Variants in TMEFF1 observed in about 807,000 individuals in gnomAD.
The protein encoded by TMEFF1 is transmembrane protein with EGF like and two follistatin like domains 1, also known as tomoregulin-1.
A neutral mutation model predicts 47.5 loss-of-function variants in TMEFF1; 20 were observed. The ratio of observed to expected loss-of-function variants is 0.42; its 90% CI spans 0.30 to 0.61. The LOEUF (loss-of-function observed/expected upper bound fraction) is 0.61, where lower values mean the gene tolerates loss of function less well. Among genes scored for constraint, TMEFF1 ranks in the 20% least tolerant of loss-of-function variants. The probability of loss-of-function intolerance (pLI) is 0.19; values close to 1 mark genes in which losing one functional copy is unlikely to be tolerated. For synonymous variants in TMEFF1, 162 were observed against 166.3 expected (o/e 0.97, Z 0.20); for missense variants, 411 against 471.1 (o/e 0.87, Z 1.18).
chr9:100,564,921 A>C (rs560892792), intron 8 of TMEFF1, among the ~76,000 whole-genome samples: 94 of 152,264 alleles, frequency 6.2e-4, no homozygotes, highest in Non-Finnish European at 6.9e-4. Flanking sequence ...GTTGGATATG[A>C]GCACGAGAAC....
chr9:100,511,141 A>G (rs1231794279), intron 3 of TMEFF1, among the ~76,000 whole-genome samples: 4 of 152,232 alleles, frequency 2.6e-5, no homozygotes, highest in Admixed American at 1.3e-4. Context: ...CTAGTAGACT[A>G]TGATTTGGTG....
At chr9:100,498,214 C>G (rs1215498465) in intron 1 of TMEFF1, among the ~76,000 whole-genome samples, 1 of 152,054 alleles carries the variant, frequency 6.6e-6, no homozygotes, top group Non-Finnish European at 1.5e-5. Context: ...CTCTTTAATT[C>G]TGTGTACACA....
Position 100,501,041 on chromosome 9 carries a change from T to G in TMEFF1, c.306+2167T>G, listed in dbSNP as rs555812025. Among the ~76,000 whole-genome samples the G allele has an allele frequency of 3.9e-5, 6 of 152,310 alleles. No individual in the cohort carries two copies. The East Asian group carries it at 1.2e-3, about 29-fold the overall frequency. On this transcript the variant is annotated intron_variant, in intron 2 of 9. Coordinates refer to ENST00000374879, the MANE Select transcript of TMEFF1 (RefSeq NM_003692.5). ...AAACTGGGACTCCCCTCGAACTCTC[T>G]CCTTTCCGAGATTTCCCTCTCACTT...
At chr9:100,551,272 A>G (rs1838823355) in intron 7 of TMEFF1, among the ~76,000 whole-genome samples, 1 of 152,272 alleles carries the variant, frequency 6.6e-6, no homozygotes, top group Non-Finnish European at 1.5e-5. Context: ...TTTGAACAGT[A>G]TCGGATATAC....
intron 2 of TMEFF1, among the ~76,000 whole-genome samples, chr9:100,505,824 G>C (rs1837850452): frequency 6.6e-6 from 1 of 152,236 alleles, no homozygotes; most frequent in Non-Finnish European, 1.5e-5. Flanking sequence ...GTTGAGGAAT[G>C]AAGTGGGATT....
chr9:100,504,485 C>T (rs1837820391), intron 2 of TMEFF1, among the ~76,000 whole-genome samples: 1 of 152,206 alleles, frequency 6.6e-6, no homozygotes, highest in South Asian at 2.1e-4. Context: ...GGAATTGTGG[C>T]TCTTCCACTT....
intron 2 of TMEFF1, among the ~76,000 whole-genome samples, chr9:100,507,992 G>A (rs986413502): frequency 6.6e-6 from 1 of 152,088 alleles, no homozygotes; most frequent in South Asian, 2.1e-4. Context: ...ACCAAAACTG[G>A]TGTAGTGGGA....
At position 100,473,857 on chromosome 9, in the gene TMEFF1, C is replaced by G; in HGVS notation, c.196+117C>G. 3 of 1,242,774 alleles carry G rather than the reference C, an allele frequency of 2.4e-6. No homozygotes were observed. Among genetic ancestry groups the G allele is most frequent in the Non-Finnish European group, 3.1e-6 (3 of 960,180 alleles). 77.0% of individuals were successfully genotyped at this position (1,242,774 alleles called of 1,614,324 possible). ...CCGTCGTGGGGGTCCCAGGGGTGGG[C>G]CCGAGGGTGAGCGAGGGCGGAGGGC... On this transcript the variant is annotated intron_variant, in intron 1 of 9. Transcript: ENST00000374879. This position sits in a 1 kb window ranked among gnomAD's most constrained non-coding sequence, Gnocchi z 5.4.
At chr9:100,571,595 T>G (rs979173822) in intron 8 of TMEFF1, among the ~76,000 whole-genome samples, 11 of 152,004 alleles carry the variant, frequency 7.2e-5, no homozygotes, top group African/African-American at 2.7e-4. Flanking sequence ...CCAACCTTTT[T>G]GTTGCCAGGG....
chr9:100,529,258 A>C (rs1335214793), intron 5 of TMEFF1, among the ~76,000 whole-genome samples: 15 of 150,450 alleles, frequency 1.0e-4, no homozygotes, highest in African/African-American at 2.9e-4. Flanking sequence ...CTTTAAATGT[A>C]AATGGACTAA....
chr9:100,561,617 AAGTAGTGTTTATTTGC>A (rs1839017191), intron 8 of TMEFF1, 97 bp downstream of exon 8: 4 of 1,383,884 alleles, frequency 2.9e-6, no homozygotes, highest in Non-Finnish European at 3.8e-6. Flanking sequence ...TATTACCAGA[AAGTAGTGTTTATTTGC>A]AGTAGACAAG....
chr9:100,506,310 A>G (rs75295096), intron 2 of TMEFF1, among the ~76,000 whole-genome samples: 30 of 152,262 alleles, frequency 2.0e-4, no homozygotes, highest in African/African-American at 6.5e-4. Flanking sequence ...AATGTGAAAA[A>G]TTTGTTGACA....
At chr9:100,542,988 G>C (rs1838662673) in intron 5 of TMEFF1, among the ~76,000 whole-genome samples, 1 of 147,884 alleles carries the variant, frequency 6.8e-6, no homozygotes, top group African/African-American at 2.5e-5. Flanking sequence ...GAGTGCAGTG[G>C]TGTGATCTTG....
At chr9:100,519,312 G>A (rs1270170186) in intron 5 of TMEFF1, among the ~76,000 whole-genome samples, 1 of 152,060 alleles carries the variant, frequency 6.6e-6, no homozygotes, top group African/African-American at 2.4e-5. Flanking sequence ...GGAGGCTGAG[G>A]CAGGAGAATT....
chr9:100,552,270 T>G (rs1838838404), intron 7 of TMEFF1, among the ~76,000 whole-genome samples: 1 of 152,146 alleles, frequency 6.6e-6, no homozygotes, highest in South Asian at 2.1e-4. Context: ...GCAGGAATAT[T>G]GTGCATATTG....
At chr9:100,481,759 T>G (rs1411673983) in intron 1 of TMEFF1, among the ~76,000 whole-genome samples, 1 of 152,068 alleles carries the variant, frequency 6.6e-6, no homozygotes, top group East Asian at 1.9e-4. Flanking sequence ...GTTTTTTGTT[T>G]ATTTATTTAT....
chr9:100,500,344 T>G (rs1310141321), intron 2 of TMEFF1, among the ~76,000 whole-genome samples: 1 of 152,160 alleles, frequency 6.6e-6, no homozygotes, highest in Non-Finnish European at 1.5e-5. Context: ...CTTAAAATTT[T>G]TTTTCTGCTT....
Position 100,576,719 on chromosome 9 carries a change from TGGCTCGTA to T in TMEFF1, c.*120_*127del, listed in dbSNP as rs1331955492. 6.6e-6 allele frequency: 8 copies of T among 1,218,084 alleles called. No homozygotes were observed. The East Asian group carries it at 1.7e-4, about 26-fold the overall frequency. The allele number at this position is 1,218,084 out of a possible 1,614,324, so 75.5% of individuals were successfully genotyped here. The stretch of plus-strand genomic sequence containing the variant: ...TTGGACATTTTTAGTGTAGTACTGT[TGGCTCGTA>T]TTTAGAATATTCAGCTACGACAGTT... On this transcript the variant is annotated 3_prime_UTR_variant, in exon 10 of 10. Transcript: ENST00000374879.
At position 100,513,175 on chromosome 9, in the gene TMEFF1, T is replaced by C. The variant is rs563625001; in HGVS notation, c.437-132T>C. The C allele has an allele frequency of 1.4e-5, 17 of 1,223,056 alleles. No individual in the cohort carries two copies. The South Asian group carries it at 1.9e-4, about 14-fold the overall frequency. The allele number at this position is 1,223,056 out of a possible 1,614,324, so 75.8% of individuals were successfully genotyped here. A position where few individuals can be genotyped will look rare whatever the true frequency, so the allele number is the denominator to read the frequency against. ...AATAAGTATGTAAGAATAAATAAGA[T>C]ATCAAAAATATGAGAAAAGGACTCT... On this transcript the variant is annotated intron_variant, in intron 3 of 9. Coordinates refer to ENST00000374879, the MANE Select transcript of TMEFF1 (RefSeq NM_003692.5).
Sources: allele counts gnomAD v4.1 joint callset (sites outside exome capture counted in the v4.1 genomes callset), GRCh38; gene constraint gnomAD v4.1.1; non-coding constraint Gnocchi (gnomAD v3.1); transcripts MANE v1.5; gene names NCBI Gene and HGNC (gene_info 2026-07-23, HGNC 2026-07-21).